Variants in INF2 observed in about 807,000 individuals in gnomAD.
INF2 encodes inverted formin-2.
A neutral mutation model predicts 123.5 loss-of-function variants in INF2; 43 were observed. The ratio of observed to expected loss-of-function variants is 0.35; its 90% CI spans 0.27 to 0.45. INF2 has a LOEUF of 0.45. INF2 is among the 20% of genes least tolerant of loss of function. The probability of loss-of-function intolerance (pLI) is 1.00; values close to 1 mark genes in which losing one functional copy is unlikely to be tolerated. For missense variants in INF2, 1,453 were observed against 1,682.7 expected, an observed-to-expected ratio of 0.86 and a Z score of 2.39; for synonymous variants, 851 against 745.0, an observed-to-expected ratio of 1.14 and a Z score of -2.32.
In INF2 at chr14:104,719,560, CCT is replaced by C. The variant is rs1044079839; in HGVS notation, c.*768_*769del. ...AGCCTGCCCCCTGCCAGGTGTGTGC[CCT>C]GAGGCTGGCGGCTGGATGCGTGGCC... is the stretch of plus-strand genomic sequence containing the variant. On this transcript the variant is annotated 3_prime_UTR_variant, in exon 23 of 23. Coordinates refer to ENST00000392634, the MANE Select transcript of INF2 (RefSeq NM_022489.4). 6.6e-6 allele frequency: 1 copy of C among 152,236 alleles called. No individual in the cohort carries two copies. The highest frequency in any genetic ancestry group is 2.4e-5 in the African/African-American group (1 of 41,464). The allele number at this position is 152,236 out of a possible 1,614,324, so 9.4% of individuals were successfully genotyped here.
Position 104,719,004 on chromosome 14 carries a change from G to A in INF2, c.*211G>A, listed in dbSNP as rs1432361828. ...GCACCAGTGCCCTGCCAGGCCTGGTGCCCTCCTGGACCGCCTGCACGTGCC... is the reference window on the plus strand; with the variant it reads ...GCACCAGTGCCCTGCCAGGCCTGGTACCCTCCTGGACCGCCTGCACGTGCC... On this transcript the variant is annotated 3_prime_UTR_variant, in exon 23 of 23. Coordinates refer to ENST00000392634, the MANE Select transcript of INF2 (RefSeq NM_022489.4). The A allele has an allele frequency of 7.1e-6, 9 of 1,260,440 alleles. No individual in the cohort carries two copies. Among genetic ancestry groups the A allele is most frequent in the Non-Finnish European group, 9.5e-6 (9 of 949,130 alleles). The allele number at this position is 1,260,440 out of a possible 1,614,324, so 78.1% of individuals were successfully genotyped here.
intron 22 of INF2, among the ~76,000 whole-genome samples, chr14:104,718,064 T>C (rs1890397087): frequency 6.6e-6 from 1 of 152,282 alleles, no homozygotes. Context: ...GTCTTGGCCA[T>C]TTCTCCAGGT....
chr14:104,717,280 C>A (rs975171473), intron 22 of INF2, among the ~76,000 whole-genome samples: 2 of 132,400 alleles, frequency 1.5e-5, no homozygotes, highest in Non-Finnish European at 3.2e-5. Flanking sequence ...GCAGGGTGCG[C>A]TGCCGTCCTC....
In INF2 at chr14:104,713,308, T is replaced by G. The variant is rs1890143462; in HGVS notation, c.2877T>G (p.Pro959=). ...GGCCTCGGGGAGAGGACGGGAAGCC[T>G]GGTGAGGCTGGGCCGGCTGGGCGGG... ...ARRPRGEDGK[P]VRKGPGKQEE... is the part of the protein sequence containing the mutation. Residue 959 remains proline, a splice_region_variant and synonymous_variant, in exon 19 of 23, where the codon CCT becomes CCG. Transcript: ENST00000392634. The G allele has an allele frequency of 6.4e-7, 1 of 1,550,548 alleles. No individual in the cohort carries two copies.
chr14:104,688,671 G>A (rs1888765666), upstream of INF2, among the ~76,000 whole-genome samples: 1 of 152,240 alleles, frequency 6.6e-6, no homozygotes, highest in Non-Finnish European at 1.5e-5. Flanking sequence ...TCTCAGGGCA[G>A]GGGTTGTGTC....
intron 22 of INF2, among the ~76,000 whole-genome samples, chr14:104,716,519 G>A (rs913240382): frequency 2.6e-5 from 4 of 152,174 alleles, no homozygotes; most frequent in Non-Finnish European, 5.9e-5. Context: ...TGGGGCGGGC[G>A]GCCACATCTG....
rs770701500 is a variant in INF2, at chr14:104,711,205, G to C, written c.2418+19G>C. Reference sequence around the variant, plus strand: ...GCTGGAGGTGGGCCGTGGTGGCGGGGGCATAATGGGAGGGCTTCAAGTCCC... The same window carrying C: ...GCTGGAGGTGGGCCGTGGTGGCGGGCGCATAATGGGAGGGCTTCAAGTCCC... On this transcript the variant is annotated intron_variant, in intron 15 of 22. Transcript: ENST00000392634. 4 of 1,542,136 alleles carry C rather than the reference G, an allele frequency of 2.6e-6. No individual in the cohort carries two copies. Among genetic ancestry groups the C allele is most frequent in the African/African-American group, 2.7e-5 (2 of 72,884 alleles).
intron 1 of INF2, among the ~76,000 whole-genome samples, chr14:104,696,044 G>A (rs933031918): frequency 6.6e-6 from 1 of 152,158 alleles, no homozygotes; most frequent in Non-Finnish European, 1.5e-5. Context: ...TTGGGCAGGT[G>A]TCCCGGTGGT....
Position 104,712,867 on chromosome 14 carries a change from G to C in INF2, c.2650G>C (p.Glu884Gln). The C allele has an allele frequency of 1.2e-6, 2 of 1,612,652 alleles. No homozygotes were observed. Among genetic ancestry groups the C allele is most frequent in the Non-Finnish European group, 1.7e-6 (2 of 1,179,788 alleles). Residue 884 changes from glutamate to glutamine, a missense_variant, in exon 18 of 23, where the codon GAG becomes CAG. Coordinates refer to ENST00000392634, the MANE Select transcript of INF2 (RefSeq NM_022489.4). ...CTTCCGGGCACTGGATGAGCTGTTT[G>C]AGGCCATCGAGCAGAAGCAACGGGA... is the stretch of plus-strand genomic sequence containing the variant. ...SAFRALDELF[E>Q]AIEQKQRELA...
chr14:104,703,004 C>A, intron 2 of INF2, 101 bp from the exon 3 acceptor site: 1 of 929,968 alleles, frequency 1.1e-6, no homozygotes, highest in Non-Finnish European at 1.7e-6. Context: ...CACCCCCTGG[C>A]GTCTGCCTGC....
intron 13 of INF2, among the ~76,000 whole-genome samples, chr14:104,710,516 T>G (rs1158060299): frequency 1.3e-5 from 2 of 151,690 alleles, no homozygotes; most frequent in Admixed American, 6.6e-5. Flanking sequence ...CTCGGGCACG[T>G]GCACACACAC....
chr14:104,691,600 C>T (rs1054979892), intron 1 of INF2, among the ~76,000 whole-genome samples: 4 of 152,236 alleles, frequency 2.6e-5, no homozygotes, highest in East Asian at 1.9e-4. Context: ...ACGGGAAGGC[C>T]GGGAGGTGGA....
rs1044168355 is a variant in INF2, at chr14:104,716,996, C to T, written c.*1+1656C>T. Among the ~76,000 whole-genome samples the T allele has an allele frequency of 2.0e-5, 3 of 152,186 alleles. No individual in the cohort carries two copies. In the South Asian group the frequency reaches 6.2e-4, roughly 32 times the overall value. ...CGTGAGCCACCGTGCCCAGCCCCCA[C>T]CTTTTTATTTAGAAAATCTTCAACA... On this transcript the variant is annotated intron_variant, in intron 22 of 22. Coordinates refer to ENST00000392634, the MANE Select transcript of INF2 (RefSeq NM_022489.4).
upstream of INF2, among the ~76,000 whole-genome samples, chr14:104,688,003 C>T (rs934527310): frequency 1.3e-5 from 2 of 152,242 alleles, no homozygotes; most frequent in African/African-American, 4.8e-5. Context: ...CACCAATGTT[C>T]GGGTCCAGGA....
rs891493964 is a variant in INF2 at position 104,712,953 on chromosome 14, C to T, written c.2736C>T (p.Thr912=). The T allele has an allele frequency of 3.1e-6, 5 of 1,612,560 alleles. No homozygotes were observed. The African/African-American group carries it at 6.7e-5, about 22-fold the overall frequency. ...TGTCCCTGGAGGACACGTTCAGCAC[C>T]ATGAAGGCTTTCCGGGACCTTTTCC... ...QQLSLEDTFS[T]MKAFRDLFLR... The change falls in exon 18 of 23, where the codon ACC becomes ACT. Residue 912 remains threonine, a synonymous_variant. Coordinates refer to ENST00000392634, the MANE Select transcript of INF2 (RefSeq NM_022489.4).
rs1890244349 is a variant in INF2 at position 104,715,285 on chromosome 14, G to A, written c.3696G>A (p.Glu1232=). 3 of 1,613,634 alleles carry A rather than the reference G, an allele frequency of 1.9e-6. No homozygotes were observed. Among genetic ancestry groups the A allele is most frequent in the South Asian group, 1.1e-5 (1 of 91,080 alleles). ...RKKRPSRSQE[E]VPPDSDDNKT... The stretch of plus-strand genomic sequence containing the variant: ...TGCGTTTCTTTTATTTGGAAGCAGA[G>A]GTTCCCCCTGATTCTGATGATAATA... Residue 1232 remains glutamate (E), a splice_region_variant and synonymous_variant, in exon 22 of 23, where the codon GAG becomes GAA. Coordinates refer to ENST00000392634, the MANE Select transcript of INF2 (RefSeq NM_022489.4).
At chr14:104,702,590 C>A (rs1889579461) in intron 2 of INF2, among the ~76,000 whole-genome samples, 1 of 152,234 alleles carries the variant, frequency 6.6e-6, no homozygotes, top group South Asian at 2.1e-4. Flanking sequence ...GCAAGCAAGC[C>A]AGAGGCGCCT....
At chr14:104,708,644 C>T in intron 9 of INF2, 27 bp from the exon 10 acceptor site, 2 of 1,612,784 alleles carry the variant, frequency 1.2e-6, no homozygotes, top group Non-Finnish European at 1.7e-6. Flanking sequence ...CCTCCGGTAC[C>T]AGCCTGTTGG....
At position 104,713,122 on chromosome 14, in the gene INF2, G is replaced by T. The variant is rs1368374813; in HGVS notation, c.2776-85G>T. 3 of 1,605,346 alleles carry T rather than the reference G, an allele frequency of 1.9e-6. No homozygotes were observed. The African/African-American group carries it at 4.0e-5, about 21-fold the overall frequency. On this transcript the variant is annotated intron_variant, in intron 18 of 22. Transcript: ENST00000392634. ...ACAGCCATGTGGGCCCTGCGCTGCT[G>T]CGGCTCAGGGAGGGGGACGCCCAGG...
Sources: gnomAD v4.1 joint callset for allele counts (sites outside exome capture counted in the v4.1 genomes callset) on GRCh38, gnomAD v4.1.1 for gene constraint, MANE v1.5 for transcripts, NCBI Gene and HGNC (gene_info 2026-07-23, HGNC 2026-07-21) for gene names.